RANBP2: variants seen among roughly 807,000 people sequenced by gnomAD.
RANBP2 encodes RAN binding protein 2.
A neutral mutation model predicts 303.6 loss-of-function variants in RANBP2; 57 were observed. That is an observed-to-expected ratio of 0.19 (90% CI 0.15 to 0.23). RANBP2 has a LOEUF of 0.23. Among genes scored for constraint, RANBP2 ranks in the 10% least tolerant of loss-of-function variants. RANBP2 has a pLI of 1.00. For synonymous variants in RANBP2, 1,167 were observed against 1,301.5 expected, an observed-to-expected ratio of 0.90 and a Z score of 2.23; for missense variants, 3,138 against 3,780.8, an observed-to-expected ratio of 0.83 and a Z score of 4.46.
chr2:109,358,826 G>T, the RANBP2 span, among the ~76,000 whole-genome samples: 1 of 152,100 alleles, frequency 6.6e-6, no homozygotes, highest in African/African-American at 2.4e-5. Context: ...TGTGGATCAT[G>T]CTTTTGGTGC....
chr2:109,499,196 G>A, the RANBP2 span, among the ~76,000 whole-genome samples: 1 of 152,186 alleles, frequency 6.6e-6, no homozygotes, highest in Non-Finnish European at 1.5e-5. Context: ...GGCATCCAGA[G>A]CCGCGGGGGC....
the RANBP2 span, chr2:108,875,999 C>G: frequency 0.012 from 9,234 of 746,814 alleles, 602 homozygotes; most frequent in African/African-American, 0.14. Flanking sequence ...GCCATTTCCT[C>G]ATGTTTACAC....
the RANBP2 span, among the ~76,000 whole-genome samples, chr2:109,312,303 C>T: frequency 1.3e-5 from 2 of 152,142 alleles, no homozygotes; most frequent in Non-Finnish European, 2.9e-5. Context: ...GCTTCCCACT[C>T]GAGGTTGGCT....
the RANBP2 span, among the ~76,000 whole-genome samples, chr2:109,695,961 TCTCA>T: frequency 6.6e-6 from 1 of 151,946 alleles, no homozygotes; most frequent in African/African-American, 2.4e-5. Flanking sequence ...CCTCCTCCTC[TCTCA>T]CTTTTTCTTT....
chr2:109,247,515 A>G, the RANBP2 span, among the ~76,000 whole-genome samples: 1 of 152,132 alleles, frequency 6.6e-6, no homozygotes, highest in African/African-American at 2.4e-5. Context: ...TAAGGCAGGC[A>G]TGGGTGGTCA....
chr2:109,436,922 G>A, the RANBP2 span: 222 of 1,613,654 alleles, frequency 1.4e-4, no homozygotes, highest in Non-Finnish European at 1.8e-4. Flanking sequence ...GGGCCGCCCC[G>A]GAATAATGTA....
the RANBP2 span, among the ~76,000 whole-genome samples, chr2:109,711,839 T>C: frequency 2.9e-4 from 44 of 152,270 alleles, no homozygotes; most frequent in African/African-American, 1.1e-3. Context: ...AAAGTGTCCG[T>C]TGTGTGTTTA....
At chr2:109,473,905 C>T in the RANBP2 span, among the ~76,000 whole-genome samples, 2 of 152,330 alleles carry the variant, frequency 1.3e-5, no homozygotes, top group Admixed American at 1.3e-4. Context: ...TGATCATCAG[C>T]AGTGCTGTCA....
chr2:108,906,078 C>T, the RANBP2 span, among the ~76,000 whole-genome samples: 1 of 149,316 alleles, frequency 6.7e-6, no homozygotes, highest in Non-Finnish European at 1.5e-5. Flanking sequence ...TGTCTCCCGC[C>T]CCATGAGGGG....
the RANBP2 span, among the ~76,000 whole-genome samples, chr2:109,184,196 C>G: frequency 1.3e-5 from 2 of 152,174 alleles, no homozygotes; most frequent in Non-Finnish European, 2.9e-5. Flanking sequence ...TATCTCCTCC[C>G]AGGTGGTCTG....
At chr2:108,997,754 G>A in the RANBP2 span, among the ~76,000 whole-genome samples, 1 of 152,086 alleles carries the variant, frequency 6.6e-6, no homozygotes, top group East Asian at 1.9e-4. Context: ...AGCCGGGCAT[G>A]GTGGCAGGCT....
the RANBP2 span, among the ~76,000 whole-genome samples, chr2:108,912,949 T>TC: frequency 1.8e-5 from 2 of 111,486 alleles, no homozygotes; most frequent in Admixed American, 8.5e-5. Context: ...GTTATTGTTC[T>TC]TTTTTTTTTT....
At chr2:109,186,664 G>T in the RANBP2 span, among the ~76,000 whole-genome samples, 1 of 152,188 alleles carries the variant, frequency 6.6e-6, no homozygotes, top group African/African-American at 2.4e-5. Context: ...GGAAGACCCT[G>T]CGGGAAATGC....
At chr2:109,215,004 A>ACTTCTT in the RANBP2 span, among the ~76,000 whole-genome samples, 2 of 152,220 alleles carry the variant, frequency 1.3e-5, no homozygotes, top group African/African-American at 4.8e-5. Context: ...GCAGAGTAAG[A>ACTTCTT]TCTCAAATAA....
the RANBP2 span, among the ~76,000 whole-genome samples, chr2:108,977,351 C>G: frequency 6.6e-6 from 1 of 152,224 alleles, no homozygotes; most frequent in Non-Finnish European, 1.5e-5. Flanking sequence ...TCACTGCAAG[C>G]TGCGCCTCCC....
chr2:109,647,924 G>A, the RANBP2 span, among the ~76,000 whole-genome samples: 6 of 152,172 alleles, frequency 3.9e-5, no homozygotes, highest in Admixed American at 1.3e-4. Flanking sequence ...CTCACTCAGT[G>A]CCCACTGAGG....
At chr2:109,217,326 T>C in the RANBP2 span, among the ~76,000 whole-genome samples, 7,985 of 152,294 alleles carry the variant, frequency 0.052, 638 homozygotes, top group African/African-American at 0.17. Flanking sequence ...TTGTTCTCTT[T>C]GTAGATACGT....
Position 108,772,984 on chromosome 2 carries a change from G to A in RANBP2, c.8230G>A (p.Asp2744Asn). ...TTTTTGTGGAGTCTGTAGTGATACT[G>A]ATGAAGACAATGGAAATGGGGAGGA... The part of the protein sequence containing the change: ...TFFCGVCSDT[D>N]EDNGNGEDFQ... Residue 2744 changes from aspartate to asparagine, a missense_variant, in exon 23 of 29, where the codon GAT (aspartate) becomes AAT (asparagine). Asp to Asn is a conservative substitution (Grantham distance 23, BLOSUM62 1). This residue lies in a region of RANBP2 where 497 missense variants were observed against 465.8 expected (regional missense o/e 1.07). Coordinates refer to ENST00000283195, the MANE Select transcript of RANBP2 (RefSeq NM_006267.5). 1.9e-6 allele frequency: 3 copies of A among 1,613,986 alleles called. No individual in the cohort carries two copies. Among genetic ancestry groups the A allele is most frequent in the Non-Finnish European group, 2.5e-6 (3 of 1,179,932 alleles).
At chr2:109,615,617 A>G in the RANBP2 span, 3 of 1,613,720 alleles carry the variant, frequency 1.9e-6, no homozygotes, top group East Asian at 2.2e-5. Flanking sequence ...ACAGTGGGAA[A>G]AAGGCCTCCC....
Sources: gnomAD v4.1 joint callset for allele counts (sites outside exome capture counted in the v4.1 genomes callset) on GRCh38, gnomAD v4.1.1 for gene constraint, gnomAD v4.1.1 regional missense constraint, MANE v1.5 for transcripts, NCBI Gene and HGNC (gene_info 2026-07-23, HGNC 2026-07-21) for gene names.